PRKCE: variants seen among roughly 807,000 people sequenced by gnomAD.
PRKCE encodes the protein protein kinase C epsilon type.
PRKCE carries 16 observed loss-of-function variants against 85.4 expected under a neutral mutation model. The observed-to-expected ratio is 0.19, with a 90% CI of 0.13 to 0.28. The LOEUF (loss-of-function observed/expected upper bound fraction) is 0.28, where lower values mean the gene tolerates loss of function less well. PRKCE is among the 10% of genes least tolerant of loss of function. PRKCE has a pLI of 1.00. For synonymous variants in PRKCE, 388 were observed against 371.5 expected, an observed-to-expected ratio of 1.04 and a Z score of -0.51; for missense variants, 573 against 975.2, an observed-to-expected ratio of 0.59 and a Z score of 5.49.
At chr2:45,773,000 C>T (rs960498317) in intron 1 of PRKCE, among the ~76,000 whole-genome samples, 1 of 152,134 alleles carries the variant, frequency 6.6e-6, no homozygotes, top group Non-Finnish European at 1.5e-5. Flanking sequence ...GGGAGAAGTG[C>T]ACCGTCCTGC....
intron 1 of PRKCE, among the ~76,000 whole-genome samples, chr2:45,689,381 G>A (rs1243174597): frequency 6.6e-6 from 1 of 152,130 alleles, no homozygotes; most frequent in Admixed American, 6.5e-5. Flanking sequence ...ATGGCCAGGG[G>A]TCCGGCCTCC....
intron 1 of PRKCE, among the ~76,000 whole-genome samples, chr2:45,834,572 T>A (rs1463158): frequency 0.63 from 95,599 of 151,982 alleles, 31,440 homozygotes; most frequent in African/African-American, 0.83. Context: ...TATGTGCAGA[T>A]CACGTGTGCG....
chr2:45,711,243 A>T (rs572955859), intron 1 of PRKCE, among the ~76,000 whole-genome samples: 69 of 152,222 alleles, frequency 4.5e-4, no homozygotes, highest in Admixed American at 1.8e-3. Context: ...ACCTCACAGA[A>T]TTATTGTGAG....
intron 1 of PRKCE, among the ~76,000 whole-genome samples, chr2:45,663,207 A>C (rs1467921815): frequency 6.6e-6 from 1 of 152,246 alleles, no homozygotes; most frequent in Admixed American, 6.5e-5. Context: ...TTCATCATAG[A>C]ATGCTTTTAT....
At chr2:46,164,494 A>T (rs1422070735) in intron 14 of PRKCE, among the ~76,000 whole-genome samples, 3 of 152,230 alleles carry the variant, frequency 2.0e-5, no homozygotes, top group Non-Finnish European at 2.9e-5. Flanking sequence ...CTTCCAAGCC[A>T]TGCCCTTTTG....
At chr2:45,800,330 C>T (rs1444542451) in intron 1 of PRKCE, among the ~76,000 whole-genome samples, 1 of 151,840 alleles carries the variant, frequency 6.6e-6, no homozygotes, top group Admixed American at 6.5e-5. Context: ...AGTCACACTG[C>T]CCAGGCAGCA....
rs184299903 is a variant in PRKCE at position 45,750,936 on chromosome 2, A to G, written c.349-92064A>G. 1.9e-4 allele frequency among the ~76,000 whole-genome samples: 29 copies of G among 152,278 alleles called. No homozygotes were observed. The East Asian group carries it at 5.2e-3, about 27-fold the overall frequency. On this transcript the variant is annotated intron_variant, in intron 1 of 14. Coordinates refer to ENST00000306156, the MANE Select transcript of PRKCE (RefSeq NM_005400.3). Reference sequence around the variant, plus strand: ...AGAATATTATCACCAGAGTGTCACTATCACGCACTCTTCATCTCAAGACCC... The same window carrying G: ...AGAATATTATCACCAGAGTGTCACTGTCACGCACTCTTCATCTCAAGACCC...
At chr2:45,799,469 C>G (rs1484325406) in intron 1 of PRKCE, among the ~76,000 whole-genome samples, 1 of 152,150 alleles carries the variant, frequency 6.6e-6, no homozygotes, top group Admixed American at 6.5e-5. Context: ...GGGAAGATTG[C>G]TTAAGCCCAG....
chr2:45,677,963 G>C, intron 1 of PRKCE: 1 of 872,542 alleles, frequency 1.1e-6, no homozygotes, highest in Non-Finnish European at 1.4e-6. Flanking sequence ...CTGCCACTGT[G>C]ATGTAAATAT....
intron 10 of PRKCE, among the ~76,000 whole-genome samples, chr2:46,026,316 T>A (rs1707107097): frequency 6.6e-6 from 1 of 152,072 alleles, no homozygotes; most frequent in Non-Finnish European, 1.5e-5. Context: ...AAATCTCAAT[T>A]CTCTAGAATG....
At chr2:45,755,750 T>G (rs1370624754) in intron 1 of PRKCE, among the ~76,000 whole-genome samples, 1 of 152,172 alleles carries the variant, frequency 6.6e-6, no homozygotes, top group East Asian at 1.9e-4. Flanking sequence ...TACCAGTGAC[T>G]CAAAACTAGT....
intron 1 of PRKCE, among the ~76,000 whole-genome samples, chr2:45,656,802 T>C (rs1312708849): frequency 2.6e-5 from 4 of 152,216 alleles, no homozygotes. Context: ...TGGGCTAGAA[T>C]AGAAATTGCA....
chr2:46,145,386 T>G lies in PRKCE; in HGVS notation c.1731+155T>G, dbSNP rs1372428354. Among the ~76,000 whole-genome samples the G allele has an allele frequency of 1.3e-5, 2 of 151,966 alleles. No individual in the cohort carries two copies. Among genetic ancestry groups the G allele is most frequent in the East Asian group, 3.9e-4 (2 of 5,184 alleles). On this transcript the variant is annotated intron_variant, in intron 12 of 14. Coordinates refer to ENST00000306156, the MANE Select transcript of PRKCE (RefSeq NM_005400.3). This position sits in a 1 kb window ranked among gnomAD's most constrained non-coding sequence, Gnocchi z 4.6. ...GAGGGAGAAAAGGAAAGGAAAAAAGTTTGCTGATTGATGTCTGTCAAGAAG... is the reference window on the plus strand; with the variant it reads ...GAGGGAGAAAAGGAAAGGAAAAAAGGTTGCTGATTGATGTCTGTCAAGAAG...
At chr2:45,997,238 A>G (rs1249729223) in intron 6 of PRKCE, among the ~76,000 whole-genome samples, 1 of 151,406 alleles carries the variant, frequency 6.6e-6, no homozygotes, top group Non-Finnish European at 1.5e-5. Context: ...AGGCTTATTG[A>G]GTCTATTGCT....
chr2:46,123,214 C>CTTTTTTTTGTTTTTTTTTTTTTTTTTTTT (rs1673501467), intron 11 of PRKCE, among the ~76,000 whole-genome samples: 1 of 27,352 alleles, frequency 3.7e-5, no homozygotes, highest in Non-Finnish European at 6.6e-5. Context: ...AAACACTTGC[C>CTTTTTTTTGTTTTTTTTTTTTTTTTTTTT]TTTTTTTTTT....
chr2:45,881,258 A>G (rs923655972), intron 2 of PRKCE, among the ~76,000 whole-genome samples: 2 of 152,188 alleles, frequency 1.3e-5, no homozygotes, highest in African/African-American at 4.8e-5. Flanking sequence ...TGTCTGGAGA[A>G]GCAGAGCCAT....
intron 1 of PRKCE, among the ~76,000 whole-genome samples, chr2:45,706,081 C>T (rs1573002073): frequency 6.6e-6 from 1 of 152,144 alleles, no homozygotes. Flanking sequence ...TTATTTCTGC[C>T]AGAGATTTCA....
intron 11 of PRKCE, among the ~76,000 whole-genome samples, chr2:46,115,619 A>G (rs1672694018): frequency 6.6e-6 from 1 of 152,196 alleles, no homozygotes; most frequent in Non-Finnish European, 1.5e-5. Context: ...AGCAGGCCAG[A>G]TTTTGAAAAG....
rs58831823 is a variant in PRKCE at position 45,744,475 on chromosome 2, TTC to T, written c.348+92029_348+92030del. 7.0e-3 allele frequency among the ~76,000 whole-genome samples: 391 copies of T among 56,232 alleles called. 12 individuals carry two copies. Among genetic ancestry groups the T allele is most frequent in the African/African-American group, 0.018 (224 of 12,656 alleles). The allele number at this position is 56,232 out of a possible 152,430, so 36.9% of individuals were successfully genotyped here. A position where few individuals can be genotyped will look rare whatever the true frequency, so the allele number is the denominator to read the frequency against. On this transcript the variant is annotated intron_variant, in intron 1 of 14. Transcript: ENST00000306156. ...TTTCTTTCTTTCTTTCTTTCTTTCT[TTC>T]TTTCTTTCTTTTTCTTTCTTTCTTT...
Sources: gnomAD v4.1 joint callset for allele counts (sites outside exome capture counted in the v4.1 genomes callset) on GRCh38, gnomAD v4.1.1 for gene constraint, Gnocchi (gnomAD v3.1) non-coding constraint, MANE v1.5 for transcripts, NCBI Gene and HGNC (gene_info 2026-07-23, HGNC 2026-07-21) for gene names.